The following LSP1 variants were observed in gnomAD, a reference collection of about 807,000 sequenced individuals.
LSP1 encodes lymphocyte specific protein 1.
LSP1 carries 32 observed loss-of-function variants against 49.3 expected under a neutral mutation model. The ratio of observed to expected loss-of-function variants is 0.65; its 90% CI spans 0.49 to 0.87. The LOEUF is 0.87. Ranked by LOEUF, LSP1 falls within the 40% of genes least tolerant of loss-of-function variation. The probability of loss-of-function intolerance (pLI) is 0.00; values close to 1 mark genes in which losing one functional copy is unlikely to be tolerated. For missense variants in LSP1, 428 were observed against 442.6 expected, an observed-to-expected ratio of 0.97 and a Z score of 0.30; for synonymous variants, 179 against 178.8, an observed-to-expected ratio of 1.00 and a Z score of -0.01.
chr11:1,890,102 G>A (rs1309593097), intron 10 of LSP1: 2 of 716,614 alleles, frequency 2.8e-6, no homozygotes, highest in East Asian at 5.4e-5. Context: ...TGGGGGGCCG[G>A]GTAGGTTCTG....
chr11:1,870,668 A>T, intron 1 of LSP1: 1 of 1,081,026 alleles, frequency 9.3e-7, no homozygotes, highest in Non-Finnish European at 1.1e-6. Context: ...CCAGGTGGGC[A>T]CCACGTCTGA....
intron 1 of LSP1, chr11:1,869,563 C>A: frequency 2.2e-6 from 1 of 456,706 alleles, no homozygotes; most frequent in Admixed American, 2.4e-5. Flanking sequence ...CCGCCGACCC[C>A]AGGTGTGGGA....
intron 1 of LSP1, among the ~76,000 whole-genome samples, chr11:1,874,803 C>A (rs1357027730): frequency 6.6e-6 from 1 of 152,068 alleles, no homozygotes; most frequent in African/African-American, 2.4e-5. Flanking sequence ...CTAGGGGGTC[C>A]CTCAAGAGGT....
intron 3 of LSP1, among the ~76,000 whole-genome samples, chr11:1,882,955 C>T (rs1848606337): frequency 6.6e-6 from 1 of 152,244 alleles, no homozygotes; most frequent in Admixed American, 6.5e-5. Context: ...GGCCCCTACC[C>T]CTGCCTAGCC....
At chr11:1,879,683 C>T (rs1848456164) in intron 1 of LSP1, among the ~76,000 whole-genome samples, 1 of 152,224 alleles carries the variant, frequency 6.6e-6, no homozygotes, top group Non-Finnish European at 1.5e-5. Flanking sequence ...CCAGTATCTT[C>T]TTCCTGGGCC....
At position 1,881,530 on chromosome 11, in the gene LSP1, C is replaced by T. The variant is rs764143258; in HGVS notation, c.290C>T (p.Ala97Val). 1.6e-5 allele frequency: 25 copies of T among 1,555,224 alleles called. 1 individual carries two copies. The highest frequency in any genetic ancestry group is 3.4e-4 in the Middle Eastern group (2 of 5,884). ...RPEQRQQHEG[A>V]QGALDSGEPP... Reference sequence around the variant, plus strand: ...GAGCAGCGGCAGCAGCACGAGGGGGCGCAGGGCGCCTTGGACAGCGGAGAG... The same window carrying T: ...GAGCAGCGGCAGCAGCACGAGGGGGTGCAGGGCGCCTTGGACAGCGGAGAG... The change falls in exon 3 of 11, where the codon GCG becomes GTG. Residue 97 changes from alanine (A) to valine (V), a missense_variant. Coordinates refer to ENST00000311604, the MANE Select transcript of LSP1 (RefSeq NM_002339.3).
chr11:1,871,995 G>A (rs1848037462), intron 1 of LSP1, among the ~76,000 whole-genome samples: 1 of 148,192 alleles, frequency 6.7e-6, no homozygotes, highest in Non-Finnish European at 1.5e-5. Context: ...GGGTCTGTCT[G>A]GCTGGTGTTG....
intron 1 of LSP1, chr11:1,869,766 G>A (rs1430358056): frequency 2.2e-6 from 1 of 464,012 alleles, no homozygotes. Context: ...GAGGGCGGGC[G>A]AGGAAAATGG....
At chr11:1,883,012 A>T (rs1848607920) in intron 3 of LSP1, among the ~76,000 whole-genome samples, 1 of 152,126 alleles carries the variant, frequency 6.6e-6, no homozygotes, top group African/African-American at 2.4e-5. Context: ...AAGGGCCCCC[A>T]CAGGGAGCAG....
intron 3 of LSP1, among the ~76,000 whole-genome samples, chr11:1,882,142 C>CCCCAACAGG (rs1848573344): frequency 6.6e-6 from 1 of 152,206 alleles, no homozygotes; most frequent in African/African-American, 2.4e-5. Flanking sequence ...CCTGTCTCAA[C>CCCCAACAGG]CCCAACAGGC....
At chr11:1,867,778 A>G (rs917886672) in intron 1 of LSP1, among the ~76,000 whole-genome samples, 5 of 152,138 alleles carry the variant, frequency 3.3e-5, no homozygotes, top group African/African-American at 1.2e-4. Context: ...ACATCCATTA[A>G]AAATGGTGCT....
intron 1 of LSP1, among the ~76,000 whole-genome samples, chr11:1,875,195 C>A (rs1339320217): frequency 2.6e-5 from 4 of 152,132 alleles, no homozygotes; most frequent in African/African-American, 4.8e-5. Context: ...GCTCCGCCCT[C>A]CCCCCCATCA....
chr11:1,860,430 G>C (rs564235470), intron 1 of LSP1, among the ~76,000 whole-genome samples: 90 of 152,256 alleles, frequency 5.9e-4, no homozygotes, highest in East Asian at 7.7e-4. Flanking sequence ...TGTATAAATA[G>C]AGTATAACTC....
intron 3 of LSP1, among the ~76,000 whole-genome samples, 156 bp downstream of exon 3, chr11:1,881,752 C>T (rs1031982380): frequency 2.6e-5 from 4 of 151,318 alleles, no homozygotes; most frequent in African/African-American, 9.7e-5. Context: ...CCTCAACCTG[C>T]GCCTGAGCAG....
chr11:1,880,343 G>C, intron 2 of LSP1, 119 bp downstream of exon 2: 1 of 1,255,070 alleles, frequency 8.0e-7, no homozygotes, highest in Non-Finnish European at 1.0e-6. Context: ...TGAGAGCGAG[G>C]AAGGGCCCCC....
chr11:1,871,851 G>T (rs1589816030), intron 1 of LSP1, among the ~76,000 whole-genome samples: 1 of 149,006 alleles, frequency 6.7e-6, no homozygotes, highest in African/African-American at 2.5e-5. Context: ...TGGCAGGCAG[G>T]CCTGGGCTGT....
chr11:1,864,173 A>T (rs1306877026), intron 1 of LSP1: 4 of 985,336 alleles, frequency 4.1e-6, no homozygotes, highest in Non-Finnish European at 4.8e-6. Flanking sequence ...GCTGAGTGCG[A>T]GACGGGGAAG....
chr11:1,881,425 C>A lies in LSP1; in HGVS notation c.192-7C>A. 1.3e-6 allele frequency: 2 copies of A among 1,564,194 alleles called. No homozygotes were observed. Among genetic ancestry groups the A allele is most frequent in the African/African-American group, 1.4e-5 (1 of 73,976 alleles). ...CCCAGGCCTAAGCTCCCCCCTGCTACCCTCAGCCTCAGCCTGAAGCCCTCG... is the reference window on the plus strand; with the variant it reads ...CCCAGGCCTAAGCTCCCCCCTGCTAACCTCAGCCTCAGCCTGAAGCCCTCG... On this transcript the variant is annotated splice_polypyrimidine_tract_variant and splice_region_variant and intron_variant, in intron 2 of 10. Transcript: ENST00000311604.
At chr11:1,879,116 G>GGGCGGATCACCTGAGGTC in intron 1 of LSP1, among the ~76,000 whole-genome samples, 1 of 152,238 alleles carries the variant, frequency 6.6e-6, no homozygotes, top group Middle Eastern at 3.4e-3. Flanking sequence ...AGGCTGAGGC[G>GGGCGGATCACCTGAGGTC]GGCGGATCAC....
Sources: gnomAD v4.1 joint callset for allele counts (sites outside exome capture counted in the v4.1 genomes callset) on GRCh38, gnomAD v4.1.1 for gene constraint, MANE v1.5 for transcripts, NCBI Gene and HGNC (gene_info 2026-07-23, HGNC 2026-07-21) for gene names.